The following PAPPA variants were observed in gnomAD, a reference collection of about 807,000 sequenced individuals.
PAPPA encodes the protein pappalysin-1.
Under a neutral mutation model 164.0 loss-of-function variants are expected in PAPPA, and 60 were observed. The ratio of observed to expected loss-of-function variants is 0.37; its 90% confidence interval spans 0.30 to 0.45. PAPPA has a LOEUF of 0.45. Ranked by LOEUF, PAPPA falls within the 20% of genes least tolerant of loss-of-function variation. The pLI is 1.00. For synonymous variants in PAPPA, 875 were observed against 814.1 expected (o/e 1.07, Z -1.27); for missense variants, 1,782 against 2,087.3 (o/e 0.85, Z 2.85).
chr9:116,223,760 A>C (rs1844472499), intron 5 of PAPPA, among the ~76,000 whole-genome samples: 1 of 152,206 alleles, frequency 6.6e-6, no homozygotes, highest in African/African-American at 2.4e-5. Flanking sequence ...AAATTGGCTT[A>C]GTAGAAAGTA....
At chr9:116,244,136 T>A (rs929536682) in intron 7 of PAPPA, among the ~76,000 whole-genome samples, 2 of 152,118 alleles carry the variant, frequency 1.3e-5, no homozygotes, top group Non-Finnish European at 2.9e-5. Flanking sequence ...CAAAAGGGCT[T>A]AACAAAATCA....
intron 10 of PAPPA, among the ~76,000 whole-genome samples, chr9:116,314,736 A>G (rs1352790876): frequency 6.6e-6 from 1 of 152,100 alleles, no homozygotes; most frequent in African/African-American, 2.4e-5. Flanking sequence ...AAACACCATC[A>G]TTTGCTCCTC....
At position 116,154,154 on chromosome 9, in the gene PAPPA, G is replaced by T. The variant is rs770903095; in HGVS notation, c.-19G>T. ...GTGGCGGTGCAGGGGCGAAGGGGGG[G>T]CGGGGGGAACCGTCGGACATGCGGC... On this transcript the variant is annotated 5_prime_UTR_variant, in exon 1 of 22. Coordinates refer to ENST00000328252, the MANE Select transcript of PAPPA (RefSeq NM_002581.5). This position sits in a 1 kb window ranked among gnomAD's most constrained non-coding sequence, Gnocchi z 5.2. 2 of 1,389,752 alleles carry T rather than the reference G, an allele frequency of 1.4e-6. No individual in the cohort carries two copies. Among genetic ancestry groups the T allele is most frequent in the South Asian group, 1.2e-5 (1 of 80,068 alleles). 86.1% of individuals were successfully genotyped at this position (1,389,752 alleles called of 1,614,324 possible). A position where few individuals can be genotyped will look rare whatever the true frequency, so the allele number is the denominator to read the frequency against.
intron 1 of PAPPA, among the ~76,000 whole-genome samples, chr9:116,181,882 T>A (rs974920249): frequency 2.6e-5 from 4 of 152,232 alleles, no homozygotes. Context: ...CTTAGTTAAT[T>A]GTTTAGGTCC....
At chr9:116,268,886 G>C (rs1845105403) in intron 8 of PAPPA, among the ~76,000 whole-genome samples, 1 of 151,416 alleles carries the variant, frequency 6.6e-6, no homozygotes, top group African/African-American at 2.4e-5. Context: ...GGAAAAGAAG[G>C]GATATCATCT....
At position 116,154,278 on chromosome 9, in the gene PAPPA, C is replaced by T; in HGVS notation, c.106C>T (p.Arg36Ter). 9.7e-7 allele frequency: 1 copy of T among 1,026,830 alleles called. No individual in the cohort carries two copies. The highest frequency in any genetic ancestry group is 1.2e-6 in the Non-Finnish European group (1 of 856,570). The allele number at this position is 1,026,830 out of a possible 1,614,324, so 63.6% of individuals were successfully genotyped here. The change falls in exon 1 of 22, where the codon CGA (arginine) becomes TGA (stop). Residue 36 changes from arginine (R) to a stop codon, truncating the protein, a stop_gained. Transcript: ENST00000328252. LOFTEE classifies it high-confidence loss of function. This position sits in a 1 kb window ranked among gnomAD's most constrained non-coding sequence, Gnocchi z 5.2. ...GGCCCGGAGAGACCCGCGGGCCGGC[C>T]GACCCCCGCGCCCCGCCGCCGGCCC... Reference protein sequence around the residue: ...RRARRDPRAGRPPRPAAGPAT... With the variant: ...RRARRDPRAG
chr9:116,273,912 A>G (rs975997050), intron 9 of PAPPA, among the ~76,000 whole-genome samples: 1 of 152,172 alleles, frequency 6.6e-6, no homozygotes, highest in Admixed American at 6.5e-5. Context: ...CTTCTTATAT[A>G]CCAAGCACAT....
chr9:116,177,305 C>G (rs931906453), intron 1 of PAPPA, among the ~76,000 whole-genome samples: 1 of 152,220 alleles, frequency 6.6e-6, no homozygotes, highest in Non-Finnish European at 1.5e-5. Flanking sequence ...GTGCTCTTCA[C>G]TACCAGACTG....
intron 4 of PAPPA, among the ~76,000 whole-genome samples, chr9:116,218,113 T>C (rs1844398546): frequency 6.6e-6 from 1 of 152,196 alleles, no homozygotes; most frequent in African/African-American, 2.4e-5. Context: ...ATTTACTCGG[T>C]TATTCACTAT....
At chr9:116,299,339 G>A (rs1282439868) in intron 9 of PAPPA, among the ~76,000 whole-genome samples, 1 of 151,958 alleles carries the variant, frequency 6.6e-6, no homozygotes, top group African/African-American at 2.4e-5. Context: ...CGACCTGCCT[G>A]TATACCTGTT....
chr9:116,243,896 A>G (rs1311544264), intron 7 of PAPPA, among the ~76,000 whole-genome samples: 1 of 152,128 alleles, frequency 6.6e-6, no homozygotes, highest in Non-Finnish European at 1.5e-5. Flanking sequence ...TTTTGCCTAC[A>G]TTCTGATGTC....
At chr9:116,338,789 A>G (rs1489290626) in intron 13 of PAPPA, among the ~76,000 whole-genome samples, 1 of 152,210 alleles carries the variant, frequency 6.6e-6, no homozygotes, top group Non-Finnish European at 1.5e-5. Context: ...TCACAGCCCC[A>G]TCAGTGATCT....
intron 7 of PAPPA, among the ~76,000 whole-genome samples, chr9:116,238,341 C>A (rs557174896): frequency 1.2e-4 from 19 of 152,320 alleles, no homozygotes; most frequent in African/African-American, 4.6e-4. Context: ...TGCAGGGCCT[C>A]TCCAGGTAAT....
intron 15 of PAPPA, among the ~76,000 whole-genome samples, chr9:116,350,772 A>G (rs1846271245): frequency 6.6e-6 from 1 of 152,216 alleles, no homozygotes; most frequent in Non-Finnish European, 1.5e-5. Context: ...AGGGCAATGC[A>G]AAAAGAAGTT....
intron 21 of PAPPA, among the ~76,000 whole-genome samples, chr9:116,387,894 T>C (rs773757029): frequency 9.9e-5 from 15 of 152,216 alleles, no homozygotes; most frequent in South Asian, 4.1e-4. Flanking sequence ...TCTTGCTTCA[T>C]AGACCTCCAG....
chr9:116,220,870 G>A (rs896619684), intron 5 of PAPPA, among the ~76,000 whole-genome samples: 1 of 150,980 alleles, frequency 6.6e-6, no homozygotes, highest in Admixed American at 6.6e-5. Flanking sequence ...GGGCAACAGA[G>A]CGAAACTCTG....
intron 9 of PAPPA, among the ~76,000 whole-genome samples, chr9:116,276,526 A>AG (rs11389532): frequency 0.71 from 107,527 of 152,036 alleles, 38,203 homozygotes; most frequent in East Asian, 0.82. Flanking sequence ...GACTGGACTG[A>AG]GACTCTAAAG....
intron 7 of PAPPA, among the ~76,000 whole-genome samples, chr9:116,243,351 A>G (rs1045141540): frequency 4.6e-5 from 7 of 152,228 alleles, no homozygotes; most frequent in Non-Finnish European, 1.0e-4. Flanking sequence ...TACTACTGGT[A>G]GCACTAACAT....
intron 9 of PAPPA, among the ~76,000 whole-genome samples, chr9:116,295,553 C>CAAAAAAAAAAA (rs56171405): frequency 8.7e-6 from 1 of 114,656 alleles, no homozygotes; most frequent in Non-Finnish European, 1.7e-5. Flanking sequence ...GACTCGGTCT[C>CAAAAAAAAAAA]AAAAAAAAAA....
Sources: allele counts gnomAD v4.1 joint callset (sites outside exome capture counted in the v4.1 genomes callset), GRCh38; gene constraint gnomAD v4.1.1; non-coding constraint Gnocchi (gnomAD v3.1); transcripts MANE v1.5; gene names NCBI Gene and HGNC (gene_info 2026-07-23, HGNC 2026-07-21).